The following KCNIP4 variants were observed in gnomAD, a reference collection of about 807,000 sequenced individuals.
The protein encoded by KCNIP4 is Kv channel-interacting protein 4.
Under a neutral mutation model 34.0 loss-of-function variants are expected in KCNIP4, and 12 were observed. The observed-to-expected ratio is 0.35, with a 90% CI of 0.23 to 0.57. KCNIP4 has a LOEUF of 0.57. KCNIP4 is among the 20% of genes least tolerant of loss of function. KCNIP4 has a pLI of 0.83. For synonymous variants in KCNIP4, 124 were observed against 102.2 expected (o/e 1.21, Z -1.29); for missense variants, 238 against 311.7 (o/e 0.76, Z 1.78).
At chr4:21,437,120 C>T (rs918244410) in intron 1 of KCNIP4, among the ~76,000 whole-genome samples, 1 of 152,156 alleles carries the variant, frequency 6.6e-6, no homozygotes, top group African/African-American at 2.4e-5. Context: ...GGAAATGCTC[C>T]TTCCATACTT....
intron 1 of KCNIP4, among the ~76,000 whole-genome samples, chr4:21,055,152 T>G (rs538877768): frequency 6.6e-6 from 1 of 152,198 alleles, no homozygotes; most frequent in African/African-American, 2.4e-5. Flanking sequence ...AGATGGGAAA[T>G]AGCATATGAA....
chr4:21,498,696 G>T (rs1733052307), intron 1 of KCNIP4, among the ~76,000 whole-genome samples: 1 of 152,056 alleles, frequency 6.6e-6, no homozygotes, highest in Admixed American at 6.6e-5. Context: ...TTAGTCTCTT[G>T]TTACAACAAC....
intron 3 of KCNIP4, among the ~76,000 whole-genome samples, chr4:20,801,457 A>G (rs1188312050): frequency 6.6e-6 from 1 of 152,158 alleles, no homozygotes; most frequent in Non-Finnish European, 1.5e-5. Flanking sequence ...TTAAAAGTCA[A>G]AATGGTCAAA....
At chr4:21,430,415 TG>T (rs1282909273) in intron 1 of KCNIP4, among the ~76,000 whole-genome samples, 3 of 148,190 alleles carry the variant, frequency 2.0e-5, no homozygotes, top group East Asian at 2.1e-4. Flanking sequence ...CAGAACAGTA[TG>T]GGGGGGTGGG....
intron 1 of KCNIP4, among the ~76,000 whole-genome samples, chr4:21,660,933 C>G (rs146514545): frequency 1.3e-3 from 195 of 152,112 alleles, no homozygotes; most frequent in African/African-American, 4.5e-3. Flanking sequence ...AACTTGCAGC[C>G]CTAAATGAGA....
chr4:21,250,679 A>T (rs1760636082), intron 1 of KCNIP4, among the ~76,000 whole-genome samples: 1 of 152,024 alleles, frequency 6.6e-6, no homozygotes, highest in African/African-American at 2.4e-5. Context: ...ATTTTATGGG[A>T]TGGAGGATTT....
intron 2 of KCNIP4, among the ~76,000 whole-genome samples, chr4:20,871,102 G>A (rs1723410280): frequency 6.6e-6 from 1 of 152,116 alleles, no homozygotes; most frequent in Non-Finnish European, 1.5e-5. Context: ...TATGGCCTGG[G>A]CATTAGAGAC....
chr4:21,515,409 C>T (rs1189942056), intron 1 of KCNIP4, among the ~76,000 whole-genome samples: 2 of 152,064 alleles, frequency 1.3e-5, no homozygotes, highest in Non-Finnish European at 2.9e-5. Context: ...GAGGCAGAGA[C>T]GGGTGGATCA....
intron 1 of KCNIP4, among the ~76,000 whole-genome samples, chr4:21,572,103 C>T (rs1740408059): frequency 6.6e-6 from 1 of 152,128 alleles, no homozygotes; most frequent in African/African-American, 2.4e-5. Flanking sequence ...TACTTCACAT[C>T]CTGATTGCTG....
chr4:21,449,733 T>G (rs1728357383), intron 1 of KCNIP4, among the ~76,000 whole-genome samples: 1 of 152,054 alleles, frequency 6.6e-6, no homozygotes, highest in Non-Finnish European at 1.5e-5. Context: ...TTTTTTTATC[T>G]TTTTGTTTTT....
At chr4:20,975,309 T>C (rs1735371895) in intron 1 of KCNIP4, among the ~76,000 whole-genome samples, 1 of 152,204 alleles carries the variant, frequency 6.6e-6, no homozygotes, top group Non-Finnish European at 1.5e-5. Flanking sequence ...TGAATAGTAA[T>C]GTAATTTTAA....
In KCNIP4 at chr4:21,277,358, A is replaced by G. The variant is rs564735222; in HGVS notation, c.62-394649T>C. ...AAAAGCAGAGATCAAAACAAATAGT[A>G]TAAGGAATTCAGAGGCTACAGATTC... On this transcript the variant is annotated intron_variant, in intron 1 of 8. Transcript: ENST00000382152. 9.2e-5 allele frequency among the ~76,000 whole-genome samples: 14 copies of G among 152,358 alleles called. No individual in the cohort carries two copies. The East Asian group carries it at 2.7e-3, about 29-fold the overall frequency.
chr4:21,880,138 C>T (rs931933765), intron 1 of KCNIP4, among the ~76,000 whole-genome samples: 1 of 152,048 alleles, frequency 6.6e-6, no homozygotes, highest in Non-Finnish European at 1.5e-5. Flanking sequence ...GACTGTCTTG[C>T]TTTTTAAGGA....
At chr4:21,133,317 G>GGA (rs1468337086) in intron 1 of KCNIP4, among the ~76,000 whole-genome samples, 2 of 152,148 alleles carry the variant, frequency 1.3e-5, no homozygotes, top group Non-Finnish European at 2.9e-5. Flanking sequence ...AACAAATGAT[G>GGA]GAGAGAGAGA....
intron 1 of KCNIP4, among the ~76,000 whole-genome samples, chr4:21,239,440 C>G (rs1365773120): frequency 1.3e-5 from 2 of 151,394 alleles, no homozygotes; most frequent in East Asian, 1.9e-4. Flanking sequence ...GAACAGGCAA[C>G]CTACAGAATG....
intron 5 of KCNIP4, among the ~76,000 whole-genome samples, chr4:20,736,600 C>CTAA (rs1051453025): frequency 5.8e-4 from 88 of 151,804 alleles, no homozygotes; most frequent in African/African-American, 1.8e-3. Flanking sequence ...ATTATATGGC[C>CTAA]TAATATATAT....
At chr4:21,115,424 G>A (rs559893795) in intron 1 of KCNIP4, among the ~76,000 whole-genome samples, 2 of 152,178 alleles carry the variant, frequency 1.3e-5, no homozygotes, top group Admixed American at 6.5e-5. Context: ...AATTCCTGTT[G>A]TTTAAATGAA....
At chr4:20,739,885 A>G (rs1750635005) in intron 5 of KCNIP4, among the ~76,000 whole-genome samples, 2 of 152,214 alleles carry the variant, frequency 1.3e-5, no homozygotes, top group African/African-American at 4.8e-5. Flanking sequence ...TAAACAGCGT[A>G]GAGAAGACCT....
intron 1 of KCNIP4, among the ~76,000 whole-genome samples, chr4:21,820,334 CACAT>C (rs1722281036): frequency 1.3e-4 from 18 of 136,866 alleles, no homozygotes; most frequent in African/African-American, 5.3e-4. Flanking sequence ...TACATATATA[CACAT>C]ACACACACAC....
Sources: allele counts gnomAD v4.1 joint callset (sites outside exome capture counted in the v4.1 genomes callset), GRCh38; gene constraint gnomAD v4.1.1; transcripts MANE v1.5; gene names NCBI Gene and HGNC (gene_info 2026-07-23, HGNC 2026-07-21).